FAM169A: variants seen among roughly 807,000 people sequenced by gnomAD.
FAM169A encodes soluble lamin-associated protein of 75 kDa.
In FAM169A, 24 loss-of-function variants were observed where a neutral mutation model predicts 75.7. The observed-to-expected ratio is 0.32, with a 90% CI of 0.23 to 0.45. The LOEUF is 0.45. Among genes scored for constraint, FAM169A ranks in the 20% least tolerant of loss-of-function variants. FAM169A has a pLI of 1.00. For synonymous variants in FAM169A, 271 were observed against 271.0 expected, an observed-to-expected ratio of 1.00 and a Z score of 0.00; for missense variants, 673 against 784.0, an observed-to-expected ratio of 0.86 and a Z score of 1.69.
At chr5:74,808,821 C>A (rs1030125039) in intron 6 of FAM169A, among the ~76,000 whole-genome samples, 3 of 152,124 alleles carry the variant, frequency 2.0e-5, no homozygotes, top group Non-Finnish European at 4.4e-5. Context: ...TCAATTGTAT[C>A]TTTTATTACA....
chr5:74,786,981 A>T (rs1286645762), intron 11 of FAM169A, among the ~76,000 whole-genome samples: 1 of 152,166 alleles, frequency 6.6e-6, no homozygotes, highest in East Asian at 1.9e-4. Context: ...CATCCCCAGT[A>T]GTGGTAACAT....
chr5:74,804,724 C>G, intron 7 of FAM169A, 119 bp from the exon 8 acceptor site: 2 of 551,130 alleles, frequency 3.6e-6, no homozygotes, highest in Non-Finnish European at 3.2e-6. Flanking sequence ...TCACGAAAAT[C>G]TAGGTGTGAG....
At chr5:74,784,215 G>A (rs566151988) in intron 11 of FAM169A, among the ~76,000 whole-genome samples, 50 of 152,002 alleles carry the variant, frequency 3.3e-4, no homozygotes, top group African/African-American at 1.1e-3. Flanking sequence ...AGAAAATCAA[G>A]GACTTTTTCT....
At chr5:74,864,723 C>T (rs1382144464) in intron 1 of FAM169A, among the ~76,000 whole-genome samples, 2 of 152,202 alleles carry the variant, frequency 1.3e-5, no homozygotes, top group Non-Finnish European at 2.9e-5. Context: ...CCATCATTAA[C>T]TTAGAGAAAA....
At chr5:74,860,152 A>G (rs1000270318) in intron 1 of FAM169A, among the ~76,000 whole-genome samples, 6 of 152,250 alleles carry the variant, frequency 3.9e-5, no homozygotes, top group African/African-American at 1.4e-4. Flanking sequence ...CAGCAAAGTC[A>G]GGATTCAAAC....
chr5:74,834,635 A>C, intron 4 of FAM169A, 38 bp from the exon 5 acceptor site: 1 of 1,407,570 alleles, frequency 7.1e-7, no homozygotes, highest in East Asian at 2.6e-5. Context: ...AGCAGTTATA[A>C]TATGCATCAA....
chr5:74,810,820 T>C (rs1488634820), intron 6 of FAM169A, among the ~76,000 whole-genome samples: 11 of 44,568 alleles, frequency 2.5e-4, no homozygotes, highest in East Asian at 2.3e-3. Context: ...ATATTTGCCC[T>C]TTTTTTTTTT....
chr5:74,851,358 G>A (rs909110929), intron 1 of FAM169A, among the ~76,000 whole-genome samples: 1 of 152,122 alleles, frequency 6.6e-6, no homozygotes, highest in Non-Finnish European at 1.5e-5. Context: ...AATTTTTAGT[G>A]TTCCACCCTG....
At chr5:74,864,038 A>G (rs772130323) in intron 1 of FAM169A, among the ~76,000 whole-genome samples, 8 of 152,200 alleles carry the variant, frequency 5.3e-5, no homozygotes, top group Non-Finnish European at 1.0e-4. Context: ...TAGAATAAAC[A>G]TATCTATAAT....
intron 3 of FAM169A, among the ~76,000 whole-genome samples, chr5:74,839,337 G>GT (rs1206103305): frequency 6.6e-6 from 1 of 151,934 alleles, no homozygotes; most frequent in African/African-American, 2.4e-5. Flanking sequence ...ATGGGTCAGG[G>GT]TGGGGGGGTC....
intron 1 of FAM169A, among the ~76,000 whole-genome samples, chr5:74,842,523 T>C (rs1748936158): frequency 7.2e-6 from 1 of 138,820 alleles, no homozygotes; most frequent in East Asian, 2.2e-4. Context: ...TTCTCATATA[T>C]ATAGCTTTTT....
intron 1 of FAM169A, among the ~76,000 whole-genome samples, chr5:74,863,430 T>A (rs1047081065): frequency 2.6e-5 from 4 of 152,180 alleles, no homozygotes; most frequent in Non-Finnish European, 2.9e-5. Flanking sequence ...TTTTTTCACT[T>A]AGAATCATAA....
At chr5:74,812,654 C>A (rs565797515) in intron 6 of FAM169A, among the ~76,000 whole-genome samples, 14 of 152,160 alleles carry the variant, frequency 9.2e-5, no homozygotes, top group African/African-American at 2.9e-4. Flanking sequence ...AACCCCCCCC[C>A]AAAATGGTCA....
chr5:74,859,092 T>C (rs1749899807), intron 1 of FAM169A, among the ~76,000 whole-genome samples: 4 of 151,464 alleles, frequency 2.6e-5, no homozygotes, highest in Admixed American at 2.6e-4. Context: ...CACATGCCTG[T>C]AGTCTCAGCT....
rs1277452983 is a variant in FAM169A, at chr5:74,848,528, C to G, written c.-3-6849G>C. 2.6e-5 allele frequency: 4 copies of G among 151,888 alleles called. No homozygotes were observed. In the East Asian group the frequency reaches 7.7e-4, roughly 29 times the overall value. 9.4% of individuals were successfully genotyped at this position (151,888 alleles called of 1,614,324 possible). On this transcript the variant is annotated intron_variant, in intron 1 of 12. Transcript: ENST00000687041. ...CGATTATATTATTAAATATTCTATT[C>G]ACATATTACACGAGAAAGAGCACTA... is the stretch of plus-strand genomic sequence containing the variant.
chr5:74,788,545 A>C (rs1006189195), intron 11 of FAM169A, among the ~76,000 whole-genome samples: 7 of 152,118 alleles, frequency 4.6e-5, no homozygotes, highest in Non-Finnish European at 8.8e-5. Flanking sequence ...ATCTCTACTA[A>C]AAATACAAAA....
At chr5:74,784,925 A>G (rs1440204591) in intron 11 of FAM169A, among the ~76,000 whole-genome samples, 4 of 151,776 alleles carry the variant, frequency 2.6e-5, no homozygotes, top group Non-Finnish European at 5.9e-5. Flanking sequence ...TCTCAAAAAA[A>G]AAAAAAAAAA....
At chr5:74,788,877 A>G (rs928453985) in intron 11 of FAM169A, among the ~76,000 whole-genome samples, 5 of 152,212 alleles carry the variant, frequency 3.3e-5, no homozygotes, top group Non-Finnish European at 7.3e-5. Flanking sequence ...GGAGAATTAC[A>G]GTGGAGTATC....
intron 11 of FAM169A, among the ~76,000 whole-genome samples, chr5:74,792,956 T>A (rs1189908040): frequency 6.6e-6 from 1 of 152,242 alleles, no homozygotes; most frequent in Non-Finnish European, 1.5e-5. Flanking sequence ...TGCATGTTTA[T>A]AGCAGCACAA....
Sources: allele counts gnomAD v4.1 joint callset (sites outside exome capture counted in the v4.1 genomes callset), GRCh38; gene constraint gnomAD v4.1.1; transcripts MANE v1.5; gene names NCBI Gene and HGNC (gene_info 2026-07-23, HGNC 2026-07-21).